Variants in GPHN observed in about 807,000 individuals in gnomAD.
GPHN encodes gephyrin.
A neutral mutation model predicts 95.5 loss-of-function variants in GPHN; 17 were observed. That is an observed-to-expected ratio of 0.18 (90% CI 0.12 to 0.27). The LOEUF (loss-of-function observed/expected upper bound fraction) is 0.27, where lower values mean the gene tolerates loss of function less well. Ranked by LOEUF, GPHN falls within the 10% of genes least tolerant of loss-of-function variation. The pLI is 1.00. For synonymous variants in GPHN, 320 were observed against 322.5 expected (o/e 0.99, Z 0.08); for missense variants, 660 against 978.1 (o/e 0.67, Z 4.34).
At chr14:67,691,155 C>T in the GPHN span, 1 of 1,613,068 alleles carries the variant, frequency 6.2e-7, no homozygotes, top group East Asian at 2.2e-5. Flanking sequence ...TGGTTGACTC[C>T]TATGTGCATC....
At chr14:66,804,578 C>T (rs1045008501) in intron 3 of GPHN, among the ~76,000 whole-genome samples, 1 of 152,158 alleles carries the variant, frequency 6.6e-6, no homozygotes, top group African/African-American at 2.4e-5. Flanking sequence ...AGGTTTCTGG[C>T]TAATTCTTCC....
chr14:66,922,097 C>T (rs1054631826), intron 6 of GPHN, among the ~76,000 whole-genome samples: 1 of 152,058 alleles, frequency 6.6e-6, no homozygotes, highest in African/African-American at 2.4e-5. Context: ...AGACCTAAAA[C>T]TATAAAAATT....
At chr14:67,095,288 C>T (rs1051597542) in intron 12 of GPHN, among the ~76,000 whole-genome samples, 4 of 152,130 alleles carry the variant, frequency 2.6e-5, no homozygotes, top group Admixed American at 2.0e-4. Context: ...GGACCAGCAG[C>T]CTCAGCATCA....
the GPHN span, among the ~76,000 whole-genome samples, chr14:67,637,410 C>CAAAAAAAAAAAAAAAAAAAAAAAAAAAA: frequency 9.7e-6 from 1 of 103,620 alleles, no homozygotes; most frequent in African/African-American, 4.5e-5. Flanking sequence ...GACTCTGTCT[C>CAAAAAAAAAAAAAAAAAAAAAAAAAAAA]AAAAAAAAAA....
At chr14:66,559,320 T>C (rs1436739293) in intron 1 of GPHN, among the ~76,000 whole-genome samples, 1 of 146,138 alleles carries the variant, frequency 6.8e-6, no homozygotes, top group Admixed American at 6.9e-5. Flanking sequence ...CCACACTGAC[T>C]TCCACAATGG....
At chr14:66,965,110 A>G in intron 8 of GPHN, 81 bp from the exon 9 acceptor site, 1 of 1,169,392 alleles carries the variant, frequency 8.6e-7, no homozygotes, top group Admixed American at 1.7e-5. Context: ...GCAGCAAAGA[A>G]TGCTAAAACA....
chr14:66,720,161 TAG>T (rs2070599181), intron 2 of GPHN, among the ~76,000 whole-genome samples: 1 of 152,108 alleles, frequency 6.6e-6, no homozygotes, highest in South Asian at 2.1e-4. Flanking sequence ...AAATAAAAGG[TAG>T]ATAAAAAGCA....
intron 6 of GPHN, among the ~76,000 whole-genome samples, chr14:66,917,350 T>G (rs183491570): frequency 7.5e-4 from 114 of 152,166 alleles, no homozygotes; most frequent in African/African-American, 2.7e-3. Flanking sequence ...AAAATAAGAG[T>G]GGTCTCAGCA....
At chr14:67,659,117 G>A in the GPHN span, among the ~76,000 whole-genome samples, 1 of 152,144 alleles carries the variant, frequency 6.6e-6, no homozygotes, top group Non-Finnish European at 1.5e-5. Flanking sequence ...TGTTCAATTA[G>A]TCCAATTTTA....
chr14:67,548,489 G>C, the GPHN span, among the ~76,000 whole-genome samples: 1 of 152,120 alleles, frequency 6.6e-6, no homozygotes, highest in African/African-American at 2.4e-5. Flanking sequence ...CCTGAGGTCG[G>C]GAGTTTGAGA....
chr14:66,605,566 G>A lies in GPHN; in HGVS notation c.65-75541G>A, dbSNP rs1425242304. 2.5e-5 allele frequency among the ~76,000 whole-genome samples: 3 copies of A among 120,988 alleles called. No homozygotes were observed. In the South Asian group the frequency reaches 7.9e-4, roughly 32 times the overall value. The allele number at this position is 120,988 out of a possible 152,430, so 79.4% of individuals were successfully genotyped here. ...TTTTTTTGAGACGGAGTCTCACTCT[G>A]TCGCCCAGACTGGAGTGCAGTGGCA... On this transcript the variant is annotated intron_variant, in intron 1 of 22. Transcript: ENST00000478722.
the GPHN span, chr14:67,225,214 G>A: frequency 2.0e-6 from 3 of 1,533,446 alleles, no homozygotes; most frequent in Non-Finnish European, 2.6e-6. Flanking sequence ...GGAAAGAAAA[G>A]TAAAACAGAA....
At chr14:67,144,250 A>AAAAATATATAT (rs1168342196) in intron 18 of GPHN, among the ~76,000 whole-genome samples, 14 of 57,772 alleles carry the variant, frequency 2.4e-4, no homozygotes, top group East Asian at 8.1e-4. Flanking sequence ...AAAAAAAAAA[A>AAAAATATATAT]ATATATATAT....
intron 4 of GPHN, among the ~76,000 whole-genome samples, chr14:66,873,815 G>A (rs1289984886): frequency 1.3e-5 from 2 of 152,138 alleles, no homozygotes; most frequent in African/African-American, 2.4e-5. Flanking sequence ...TGTGGGAAGG[G>A]GCGGATGTGG....
chr14:66,778,624 G>A (rs2153462427), intron 3 of GPHN, among the ~76,000 whole-genome samples: 1 of 146,238 alleles, frequency 6.8e-6, no homozygotes, highest in Admixed American at 6.8e-5. Context: ...AGCTTGATTT[G>A]ATTAAACTTT....
At chr14:66,951,730 G>A (rs1001459597) in intron 8 of GPHN, among the ~76,000 whole-genome samples, 2 of 152,018 alleles carry the variant, frequency 1.3e-5, no homozygotes, top group African/African-American at 4.8e-5. Context: ...TTAGACCAAT[G>A]GAACAGAATT....
chr14:67,707,490 G>A, the GPHN span, among the ~76,000 whole-genome samples: 57 of 152,160 alleles, frequency 3.7e-4, no homozygotes, highest in African/African-American at 1.2e-3. Context: ...GTGCAGTGGC[G>A]TGATCTCAGC....
chr14:67,475,113 C>T, the GPHN span, among the ~76,000 whole-genome samples: 1 of 152,108 alleles, frequency 6.6e-6, no homozygotes, highest in Non-Finnish European at 1.5e-5. Flanking sequence ...CGAGGTTTCA[C>T]CATGTTGCCC....
chr14:66,604,647 T>C (rs2062426085), intron 1 of GPHN, among the ~76,000 whole-genome samples: 1 of 152,146 alleles, frequency 6.6e-6, no homozygotes, highest in East Asian at 1.9e-4. Context: ...GAAATGCATA[T>C]GTCTGATTTA....
Sources: gnomAD v4.1 joint callset for allele counts (sites outside exome capture counted in the v4.1 genomes callset) on GRCh38, gnomAD v4.1.1 for gene constraint, MANE v1.5 for transcripts, NCBI Gene and HGNC (gene_info 2026-07-23, HGNC 2026-07-21) for gene names.